Variants in FIG4 observed in about 807,000 individuals in gnomAD.
FIG4 encodes the protein polyphosphoinositide phosphatase.
Under a neutral mutation model 118.6 loss-of-function variants are expected in FIG4, and 112 were observed. That is an observed-to-expected ratio of 0.94 (90% confidence interval 0.81 to 1.11). The LOEUF is 1.11. Ranked by LOEUF, FIG4 falls within the 50% of genes least tolerant of loss-of-function variation. FIG4 has a pLI of 0.00. For synonymous variants in FIG4, 369 were observed against 381.2 expected (o/e 0.97, Z 0.37); for missense variants, 969 against 1,111.7 (o/e 0.87, Z 1.83).
chr6:109,825,031 T>C, intron 22 of FIG4, 57 bp from the exon 23 acceptor site: 2 of 1,527,008 alleles, frequency 1.3e-6, no homozygotes, highest in Non-Finnish European at 9.1e-7. Flanking sequence ...GACTGCTCCC[T>C]GTGGTCCTTC....
At chr6:109,714,168 A>G (rs1775356610) in intron 1 of FIG4, among the ~76,000 whole-genome samples, 2 of 152,126 alleles carry the variant, frequency 1.3e-5, no homozygotes, top group South Asian at 4.1e-4. Context: ...TCCTTCTGTC[A>G]GGATTCCAGA....
chr6:109,716,177 A>C (rs1268655575), intron 2 of FIG4, among the ~76,000 whole-genome samples: 1 of 152,228 alleles, frequency 6.6e-6, no homozygotes, highest in Non-Finnish European at 1.5e-5. Flanking sequence ...ATTTACCTGT[A>C]GATCCCTTAA....
chr6:109,793,720 C>T (rs1280347828), intron 21 of FIG4, among the ~76,000 whole-genome samples: 1 of 152,066 alleles, frequency 6.6e-6, no homozygotes, highest in Non-Finnish European at 1.5e-5. Flanking sequence ...TTTACAGAAT[C>T]CATTGAATTA....
In FIG4 at chr6:109,691,468, G is replaced by A. The variant is rs527523781; in HGVS notation, c.33G>A (p.Ser11=). The change falls in exon 1 of 23, where the codon TCG becomes TCA. Residue 11 remains serine (S), a synonymous_variant. Coordinates refer to ENST00000230124, the MANE Select transcript of FIG4 (RefSeq NM_014845.6). MPTAAAPIIS[S]VQKLVLYETR... The stretch of plus-strand genomic sequence containing the variant: ...CGGCCGCCGCCCCCATCATCAGCTC[G>A]GTCCAGAAGCTGGTTCTGTATGAGA... The A allele has an allele frequency of 1.9e-6, 3 of 1,587,230 alleles. No individual in the cohort carries two copies. Among genetic ancestry groups the A allele is most frequent in the African/African-American group, 1.3e-5 (1 of 74,532 alleles).
At chr6:109,730,925 A>G (rs1286472219) in intron 4 of FIG4, among the ~76,000 whole-genome samples, 3 of 152,160 alleles carry the variant, frequency 2.0e-5, no homozygotes, top group Non-Finnish European at 4.4e-5. Context: ...TATAATCTAG[A>G]CAAATTTTAG....
At chr6:109,819,317 G>A (rs1778943154) in intron 22 of FIG4, among the ~76,000 whole-genome samples, 1 of 152,198 alleles carries the variant, frequency 6.6e-6, no homozygotes, top group African/African-American at 2.4e-5. Flanking sequence ...AGTAGAGTGA[G>A]GTCCTTGGGT....
At position 109,730,206 on chromosome 6, in the gene FIG4, G is replaced by T. The variant is rs367664179; in HGVS notation, c.447-2431G>T. ...TGGGACTACAGACACATGCCACCAC[G>T]CCTGACTAATTTTTGTATTTTCGGC... On this transcript the variant is annotated intron_variant, in intron 4 of 22. Coordinates refer to ENST00000230124, the MANE Select transcript of FIG4 (RefSeq NM_014845.6). Among the ~76,000 whole-genome samples the T allele has an allele frequency of 2.0e-5, 3 of 151,878 alleles. No homozygotes were observed. In the South Asian group the frequency reaches 6.2e-4, roughly 32 times the overall value.
At chr6:109,797,262 T>A (rs1396466836) in intron 22 of FIG4, among the ~76,000 whole-genome samples, 1 of 152,176 alleles carries the variant, frequency 6.6e-6, no homozygotes, top group Non-Finnish European at 1.5e-5. Context: ...AAACAGGTGT[T>A]TTGTGAAATC....
At chr6:109,817,950 G>A (rs1371463663) in intron 22 of FIG4, among the ~76,000 whole-genome samples, 3 of 152,176 alleles carry the variant, frequency 2.0e-5, no homozygotes, top group Non-Finnish European at 2.9e-5. Flanking sequence ...TTTCAGGATC[G>A]CTGGAGAGCT....
In FIG4 at chr6:109,691,485, T is replaced by C. The variant is rs587777713; in HGVS notation, c.50T>C (p.Leu17Pro). ...PIISSVQKLV[L>P]YETRARYFLV... Reference sequence around the variant, plus strand: ...ATCAGCTCGGTCCAGAAGCTGGTTCTGTATGAGACTAGAGCTGTGAGTACC... The same window carrying C: ...ATCAGCTCGGTCCAGAAGCTGGTTCCGTATGAGACTAGAGCTGTGAGTACC... Residue 17 changes from leucine to proline, a missense_variant, in exon 1 of 23, where the codon CTG becomes CCG. Leu to Pro is a moderately conservative substitution (Grantham distance 98). Transcript: ENST00000230124. 8 of 1,582,760 alleles carry C rather than the reference T, an allele frequency of 5.1e-6. No individual in the cohort carries two copies. Among genetic ancestry groups the C allele is most frequent in the East Asian group, 2.3e-5 (1 of 43,350 alleles).
intron 7 of FIG4, 55 bp downstream of exon 7, chr6:109,738,508 A>G (rs1776230068): frequency 6.8e-7 from 1 of 1,472,746 alleles, no homozygotes; most frequent in South Asian, 1.1e-5. Context: ...TGATGTATCA[A>G]TTTGTAGACA....
intron 22 of FIG4, among the ~76,000 whole-genome samples, chr6:109,820,825 ACT>A (rs1778984843): frequency 6.6e-6 from 1 of 151,894 alleles, no homozygotes; most frequent in Non-Finnish European, 1.5e-5. Context: ...CAGTATCCTC[ACT>A]CACCCCCAAA....
chr6:109,818,566 C>T (rs1778924254), intron 22 of FIG4, among the ~76,000 whole-genome samples: 1 of 152,120 alleles, frequency 6.6e-6, no homozygotes. Context: ...GGCTGTTAAT[C>T]TCTTACTGTG....
At chr6:109,778,741 G>A (rs566190172) in intron 16 of FIG4, among the ~76,000 whole-genome samples, 1 of 152,138 alleles carries the variant, frequency 6.6e-6, no homozygotes, top group South Asian at 2.1e-4. Flanking sequence ...TGGGACTATG[G>A]GTGCCCACCA....
intron 6 of FIG4, among the ~76,000 whole-genome samples, chr6:109,735,958 C>T (rs985471911): frequency 3.3e-5 from 5 of 151,838 alleles, no homozygotes; most frequent in Non-Finnish European, 7.4e-5. Context: ...CTCAGTGCCT[C>T]ATCTAGGGTG....
At chr6:109,766,035 C>T (rs1031290408) in intron 14 of FIG4, among the ~76,000 whole-genome samples, 3 of 152,164 alleles carry the variant, frequency 2.0e-5, no homozygotes, top group East Asian at 1.9e-4. Context: ...TAAGTTCATA[C>T]GTTGAAACCC....
intron 7 of FIG4, among the ~76,000 whole-genome samples, chr6:109,738,782 T>C (rs1036203226): frequency 6.6e-6 from 1 of 152,212 alleles, no homozygotes; most frequent in Non-Finnish European, 1.5e-5. Context: ...GAACTTGGCC[T>C]GGGCCCTAAA....
At chr6:109,807,905 T>C (rs1778612271) in intron 22 of FIG4, among the ~76,000 whole-genome samples, 2 of 152,138 alleles carry the variant, frequency 1.3e-5, no homozygotes, top group African/African-American at 4.8e-5. Flanking sequence ...TTGTCAAAGA[T>C]TGTAGATGTG....
At chr6:109,798,837 T>G (rs1025639357) in intron 22 of FIG4, among the ~76,000 whole-genome samples, 2 of 152,086 alleles carry the variant, frequency 1.3e-5, no homozygotes, top group African/African-American at 4.8e-5. Flanking sequence ...GTTTGGCATA[T>G]AAGCCCCTAT....
Sources: gnomAD v4.1 joint callset for allele counts (sites outside exome capture counted in the v4.1 genomes callset) on GRCh38, gnomAD v4.1.1 for gene constraint, MANE v1.5 for transcripts, NCBI Gene and HGNC (gene_info 2026-07-23, HGNC 2026-07-21) for gene names.